The following PRKCE variants were observed in gnomAD, a reference collection of about 807,000 sequenced individuals.
PRKCE encodes the protein protein kinase C epsilon type.
PRKCE carries 16 observed loss-of-function variants against 85.4 expected under a neutral mutation model. The observed-to-expected ratio is 0.19, with a 90% CI of 0.13 to 0.28. PRKCE has a LOEUF of 0.28. Among genes scored for constraint, PRKCE ranks in the 10% least tolerant of loss-of-function variants. The probability of loss-of-function intolerance (pLI) is 1.00; values close to 1 mark genes in which losing one functional copy is unlikely to be tolerated. For missense variants in PRKCE, 573 were observed against 975.2 expected (o/e 0.59, Z 5.49); for synonymous variants, 388 against 371.5 (o/e 1.04, Z -0.51).
chr2:45,794,716 A>G (rs1262326333), intron 1 of PRKCE, among the ~76,000 whole-genome samples: 3 of 151,676 alleles, frequency 2.0e-5, no homozygotes, highest in Non-Finnish European at 4.4e-5. Flanking sequence ...TTCCTCTCCC[A>G]CTCCCAAGGT....
chr2:46,109,279 T>C (rs1197791610), intron 11 of PRKCE, among the ~76,000 whole-genome samples: 3 of 152,190 alleles, frequency 2.0e-5, no homozygotes, highest in Non-Finnish European at 4.4e-5. Flanking sequence ...AGATTTTAAG[T>C]TGGGGACAAT....
At chr2:46,115,040 C>G (rs1474808035) in intron 11 of PRKCE, among the ~76,000 whole-genome samples, 1 of 152,184 alleles carries the variant, frequency 6.6e-6, no homozygotes, top group African/African-American at 2.4e-5. Context: ...TCCAACCTCT[C>G]CTGAGTGGCC....
At chr2:45,719,923 C>T (rs1680474040) in intron 1 of PRKCE, among the ~76,000 whole-genome samples, 1 of 152,106 alleles carries the variant, frequency 6.6e-6, no homozygotes, top group Admixed American at 6.6e-5. Context: ...GACCCTGTCT[C>T]CTAAAAACAA....
intron 2 of PRKCE, among the ~76,000 whole-genome samples, chr2:45,933,812 C>G (rs191619268): frequency 6.6e-6 from 1 of 152,094 alleles, no homozygotes; most frequent in Non-Finnish European, 1.5e-5. Context: ...TATTTTGACC[C>G]TAGGGGAACT....
At chr2:46,156,055 C>T (rs1247630444) in intron 13 of PRKCE, among the ~76,000 whole-genome samples, 1 of 72,350 alleles carries the variant, frequency 1.4e-5, no homozygotes, top group African/African-American at 4.0e-5. Flanking sequence ...ATGTTTGTTA[C>T]GTGGAAAAAA....
At position 45,776,837 on chromosome 2, in the gene PRKCE, C is replaced by T. The variant is rs550195279; in HGVS notation, c.349-66163C>T. Among the ~76,000 whole-genome samples the T allele has an allele frequency of 3.9e-5, 6 of 152,334 alleles. No homozygotes were observed. In the South Asian group the frequency reaches 1.2e-3, roughly 32 times the overall value. On this transcript the variant is annotated intron_variant, in intron 1 of 14. Transcript: ENST00000306156. ...CTCTGGTTCTTTTCTGACTAGAACTCTCCAAGCAAACTCATTTGAAGAGTC... is the reference window on the plus strand; with the variant it reads ...CTCTGGTTCTTTTCTGACTAGAACTTTCCAAGCAAACTCATTTGAAGAGTC...
intron 1 of PRKCE, among the ~76,000 whole-genome samples, chr2:45,790,392 C>A (rs1287907664): frequency 2.0e-5 from 3 of 152,212 alleles, no homozygotes; most frequent in African/African-American, 7.2e-5. Context: ...CACGTGTGTT[C>A]CAGTCTCACT....
intron 1 of PRKCE, among the ~76,000 whole-genome samples, chr2:45,734,113 TC>T (rs1199132820): frequency 6.6e-6 from 1 of 152,158 alleles, no homozygotes; most frequent in Non-Finnish European, 1.5e-5. Flanking sequence ...ACGCCTGTAA[TC>T]CCAGCACTTT....
At chr2:45,802,938 C>T (rs1183417209) in intron 1 of PRKCE, among the ~76,000 whole-genome samples, 7 of 152,190 alleles carry the variant, frequency 4.6e-5, no homozygotes, top group African/African-American at 1.7e-4. Context: ...GGATATGATG[C>T]AATGTCACCT....
intron 1 of PRKCE, among the ~76,000 whole-genome samples, chr2:45,830,142 A>G (rs1250092083): frequency 6.6e-6 from 1 of 152,054 alleles, no homozygotes; most frequent in African/African-American, 2.4e-5. Context: ...GTTTGGGGAG[A>G]ACTAGCAAAG....
At chr2:46,069,644 A>G (rs1471177419) in intron 10 of PRKCE, among the ~76,000 whole-genome samples, 1 of 152,240 alleles carries the variant, frequency 6.6e-6, no homozygotes, top group African/African-American at 2.4e-5. Flanking sequence ...AAAATTTCCA[A>G]ACTAAATCAT....
intron 2 of PRKCE, among the ~76,000 whole-genome samples, chr2:45,959,289 C>T (rs1224117210): frequency 2.0e-5 from 3 of 152,016 alleles, no homozygotes; most frequent in Admixed American, 1.3e-4. Flanking sequence ...GGAGTAACGC[C>T]TTTTTGAACA....
chr2:46,101,859 CAAAAAAAAAAAA>C (rs56811595), intron 11 of PRKCE, among the ~76,000 whole-genome samples: 4 of 114,122 alleles, frequency 3.5e-5, no homozygotes, highest in East Asian at 5.0e-4. Flanking sequence ...AACTGGCTTT[CAAAAAAAAAAAA>C]AAAAAAAAAA....
rs1213917588 is a variant in PRKCE, at chr2:46,145,869, A to AT, written c.1731+639dup. 1.3e-5 allele frequency among the ~76,000 whole-genome samples: 2 copies of AT among 152,166 alleles called. No individual in the cohort carries two copies. The highest frequency in any genetic ancestry group is 2.9e-5 in the Non-Finnish European group (2 of 68,030). On this transcript the variant is annotated intron_variant, in intron 12 of 14. Coordinates refer to ENST00000306156, the MANE Select transcript of PRKCE (RefSeq NM_005400.3). The surrounding 1 kb of genome is among the most constrained non-coding windows in gnomAD (Gnocchi z 4.6). ...GGTGACAGAGCAAGACCCTGTCTCA[A>AT]TAAAAAAAAAAGTAAAAAATAAAAT...
chr2:46,142,963 T>C (rs79806847), intron 11 of PRKCE, among the ~76,000 whole-genome samples: 19,059 of 152,164 alleles, frequency 0.13, 1,685 homozygotes, highest in African/African-American at 0.24. Flanking sequence ...TTTATAAAGT[T>C]GGGCTTGGTG....
rs1304025947 is a variant in PRKCE, at chr2:45,789,463, A to G, written c.349-53537A>G. On this transcript the variant is annotated intron_variant, in intron 1 of 14. Transcript: ENST00000306156. ...CAAAAATTTTTTAAATCATATGGGCATGTAACTCATCACTGTAACTCCAGT... is the reference window on the plus strand; with the variant it reads ...CAAAAATTTTTTAAATCATATGGGCGTGTAACTCATCACTGTAACTCCAGT... Among the ~76,000 whole-genome samples the G allele has an allele frequency of 2.0e-5, 3 of 152,242 alleles. No individual in the cohort carries two copies. In the South Asian group the frequency reaches 6.2e-4, roughly 31 times the overall value.
intron 10 of PRKCE, among the ~76,000 whole-genome samples, chr2:46,065,043 C>G (rs1667504474): frequency 6.6e-6 from 1 of 152,264 alleles, no homozygotes; most frequent in Middle Eastern, 3.4e-3. Context: ...ACATCCTCGA[C>G]CCTTCAAAAT....
At chr2:46,169,242 G>A (rs1163567076) in intron 14 of PRKCE, among the ~76,000 whole-genome samples, 2 of 152,178 alleles carry the variant, frequency 1.3e-5, no homozygotes, top group African/African-American at 2.4e-5. Flanking sequence ...GTTTGTGCTG[G>A]GGAGGGGGAT....
chr2:45,802,813 G>A (rs1022540272), intron 1 of PRKCE, among the ~76,000 whole-genome samples: 9 of 152,224 alleles, frequency 5.9e-5, no homozygotes, highest in Non-Finnish European at 1.2e-4. Context: ...GGACATAGAC[G>A]TATAAACATG....
Sources: allele counts gnomAD v4.1 joint callset (sites outside exome capture counted in the v4.1 genomes callset), GRCh38; gene constraint gnomAD v4.1.1; non-coding constraint Gnocchi (gnomAD v3.1); transcripts MANE v1.5; gene names NCBI Gene and HGNC (gene_info 2026-07-23, HGNC 2026-07-21).